The following DNASE1 variants were observed in gnomAD, a reference collection of about 807,000 sequenced individuals.
The protein encoded by DNASE1 is deoxyribonuclease-1.
A neutral mutation model predicts 33.9 loss-of-function variants in DNASE1; 40 were observed. That is an observed-to-expected ratio of 1.18 (90% CI 0.92 to 1.54). The LOEUF (loss-of-function observed/expected upper bound fraction) is 1.54. Ranked by LOEUF, DNASE1 falls within the 40% of genes most tolerant of loss-of-function variation. The pLI is 0.00. For synonymous variants in DNASE1, 216 were observed against 160.0 expected (o/e 1.35, Z -2.64); for missense variants, 518 against 372.6 (o/e 1.39, Z -3.21).
downstream of DNASE1, chr16:3,661,262 G>A (rs756826063): frequency 6.6e-6 from 1 of 152,028 alleles, no homozygotes; most frequent in Non-Finnish European, 1.5e-5. Context: ...ACTGTAAAAA[G>A]AAAGAAACTC....
chr16:3,658,667 A>G (rs1180577999), downstream of DNASE1: 13 of 874,006 alleles, frequency 1.5e-5, no homozygotes, highest in Admixed American at 2.7e-4. Context: ...GCAACACTCC[A>G]TCTCAAAAAA....
upstream of DNASE1, chr16:3,654,516 C>G (rs538105930): frequency 3.7e-4 from 148 of 398,658 alleles, no homozygotes; most frequent in Admixed American, 6.6e-4. Flanking sequence ...ACCTTGGGGC[C>G]CCCAGACAAG....
chr16:3,629,413 C>T (rs913930671), intron 1 of DNASE1, among the ~76,000 whole-genome samples: 2 of 152,098 alleles, frequency 1.3e-5, no homozygotes, highest in Admixed American at 6.6e-5. Flanking sequence ...TTGGACCATC[C>T]ATGCATTTCA....
At chr16:3,661,504 A>G (rs1245363381), downstream of DNASE1, 1 of 152,824 alleles carries the variant, frequency 6.5e-6, no homozygotes, top group Admixed American at 6.5e-5. Flanking sequence ...CTTCTGACCA[A>G]GAACCACCGG....
chr16:3,619,917 C>CTT (rs1180233396), intron 1 of DNASE1, among the ~76,000 whole-genome samples: 28 of 136,842 alleles, frequency 2.0e-4, no homozygotes, highest in South Asian at 2.4e-4. Context: ...TATGGCTTTT[C>CTT]TTTTTTTTTT....
At chr16:3,659,251 G>C (rs1378462356), downstream of DNASE1, 1 of 176,492 alleles carries the variant, frequency 5.7e-6, no homozygotes, top group African/African-American at 2.4e-5. Flanking sequence ...AAGGGGGAAG[G>C]CAAACAACTC....
exon 10 of DNASE1, chr16:3,664,677 T>TG: frequency 1.8e-6 from 1 of 542,690 alleles, no homozygotes. Flanking sequence ...AAGCACCTCC[T>TG]GCCCCAGGTG....
At chr16:3,620,904 G>A (rs570560921) in intron 1 of DNASE1, among the ~76,000 whole-genome samples, 9 of 152,100 alleles carry the variant, frequency 5.9e-5, no homozygotes, top group Admixed American at 1.3e-4. Flanking sequence ...AGGTTCAAGC[G>A]ATTCTCCTGC....
chr16:3,644,649 T>G (rs982810550), intron 1 of DNASE1, among the ~76,000 whole-genome samples: 1 of 150,824 alleles, frequency 6.6e-6, no homozygotes, highest in African/African-American at 2.4e-5. Flanking sequence ...GAGGGAGTAT[T>G]GCTAGCACCT....
downstream of DNASE1, chr16:3,659,112 G>T: frequency 2.2e-6 from 1 of 446,234 alleles, no homozygotes; most frequent in Non-Finnish European, 4.0e-6. Context: ...ATACACTAAA[G>T]GGACAAAAGG....
intron 1 of DNASE1, among the ~76,000 whole-genome samples, chr16:3,613,113 G>A (rs376563607): frequency 6.6e-6 from 1 of 151,944 alleles, no homozygotes; most frequent in Non-Finnish European, 1.5e-5. Flanking sequence ...CGAACCTGCC[G>A]TACCCATTCG....
At chr16:3,636,959 A>G (rs1444266205) in intron 1 of DNASE1, among the ~76,000 whole-genome samples, 1 of 151,538 alleles carries the variant, frequency 6.6e-6, no homozygotes, top group South Asian at 2.1e-4. Flanking sequence ...GCCTGTCTCT[A>G]CTAAAAATAC....
At chr16:3,641,725 AGAAGTCCCCAGGGGAGCTTGG>A (rs2042028248), upstream of DNASE1, among the ~76,000 whole-genome samples, 1 of 152,078 alleles carries the variant, frequency 6.6e-6, no homozygotes, top group South Asian at 2.1e-4. Context: ...GGGCAGTGGG[AGAAGTCCCCAGGGGAGCTTGG>A]GGCCCATGGC....
downstream of DNASE1, chr16:3,660,168 A>T (rs1342902523): frequency 6.6e-6 from 1 of 152,266 alleles, no homozygotes; most frequent in Non-Finnish European, 1.5e-5. Flanking sequence ...ACTGCACAGC[A>T]AGTTCCCCCT....
At chr16:3,641,235 A>C, upstream of DNASE1, 1 of 326,308 alleles carries the variant, frequency 3.1e-6, no homozygotes, top group Non-Finnish European at 5.6e-6. Context: ...CCGCCTTGGC[A>C]AGGTGAGTGG....
intron 1 of DNASE1, among the ~76,000 whole-genome samples, chr16:3,615,678 A>C (rs2041076049): frequency 6.6e-6 from 1 of 152,164 alleles, no homozygotes; most frequent in Non-Finnish European, 1.5e-5. Flanking sequence ...GTACATGAAA[A>C]AACTGTGTTA....
intron 1 of DNASE1, among the ~76,000 whole-genome samples, chr16:3,634,061 C>G (rs1463176636): frequency 6.6e-6 from 1 of 151,856 alleles, no homozygotes; most frequent in South Asian, 2.1e-4. Context: ...CCGCCCGTCT[C>G]GGCCTCCCAA....
chr16:3,663,321 C>G, exon 10 of DNASE1: 1 of 1,498,110 alleles, frequency 6.7e-7, no homozygotes, highest in Non-Finnish European at 9.0e-7. Context: ...TGGCTGAGCC[C>G]AGGTCAACTG....
chr16:3,653,600 A>C (rs2042413186), upstream of DNASE1: 1 of 152,078 alleles, frequency 6.6e-6, no homozygotes, highest in Non-Finnish European at 1.5e-5. Flanking sequence ...CAAGGTCACG[A>C]GTTTGAGACC....
Sources: gnomAD v4.1 joint callset for allele counts (sites outside exome capture counted in the v4.1 genomes callset) on GRCh38, gnomAD v4.1.1 for gene constraint, MANE v1.5 for transcripts, NCBI Gene and HGNC (gene_info 2026-07-23, HGNC 2026-07-21) for gene names.